The following IRAG1 variants were observed in gnomAD, a reference collection of about 807,000 sequenced individuals.
The protein encoded by IRAG1 is IP3R-associated cGMP kinase substrate.
A neutral mutation model predicts 106.2 loss-of-function variants in IRAG1; 62 were observed. The observed-to-expected ratio is 0.58, with a 90% CI of 0.48 to 0.72. The LOEUF (loss-of-function observed/expected upper bound fraction) is 0.72. Ranked by LOEUF, IRAG1 falls within the 30% of genes least tolerant of loss-of-function variation. The pLI is 0.00. For missense variants in IRAG1, 1,064 were observed against 1,140.7 expected (o/e 0.93, Z 0.97); for synonymous variants, 462 against 443.9 (o/e 1.04, Z -0.51).
chr11:10,640,758 A>C (rs1390967234), intron 2 of IRAG1, among the ~76,000 whole-genome samples: 3 of 152,174 alleles, frequency 2.0e-5, no homozygotes, highest in Non-Finnish European at 4.4e-5. Context: ...TTGGCCAGAC[A>C]ACCTACTGGC....
intron 13 of IRAG1, 71 bp downstream of exon 13, chr11:10,604,334 C>T: frequency 3.2e-6 from 5 of 1,584,516 alleles, no homozygotes; most frequent in Non-Finnish European, 4.3e-6. Flanking sequence ...CTGAGAGAAG[C>T]ATGACACCCT....
intron 10 of IRAG1, among the ~76,000 whole-genome samples, chr11:10,616,030 G>C (rs1363088767): frequency 6.6e-6 from 1 of 151,334 alleles, no homozygotes; most frequent in Non-Finnish European, 1.5e-5. Flanking sequence ...TTTTGGCTGG[G>C]CGCGGTGGCT....
At chr11:10,651,400 G>A (rs1189592843) in intron 2 of IRAG1, among the ~76,000 whole-genome samples, 1 of 152,116 alleles carries the variant, frequency 6.6e-6, no homozygotes, top group Non-Finnish European at 1.5e-5. Flanking sequence ...CACTTTGCTG[G>A]TATAATAAAT....
At position 10,657,345 on chromosome 11, in the gene IRAG1, A is replaced by G. The variant is rs569085675; in HGVS notation, c.68-5163T>C. Among the ~76,000 whole-genome samples the G allele has an allele frequency of 6.6e-6, 1 of 152,258 alleles. No homozygotes were observed. The highest frequency in any genetic ancestry group is 6.5e-5 in the Admixed American group (1 of 15,294). On this transcript the variant is annotated intron_variant, in intron 1 of 20. Coordinates refer to ENST00000423302, the MANE Select transcript of IRAG1 (RefSeq NM_130385.4). The surrounding 1 kb of genome is among the most constrained non-coding windows in gnomAD (Gnocchi z 4.1). ...TGGGTCTGATGCTCCCCTTCCTTGC[A>G]GGGCCAAGCCTGTTCTCGGCAGGCA...
At chr11:10,691,781 C>T (rs915481986) in intron 1 of IRAG1, among the ~76,000 whole-genome samples, 1 of 152,120 alleles carries the variant, frequency 6.6e-6, no homozygotes, top group Non-Finnish European at 1.5e-5. Context: ...GTGATTCCCC[C>T]GCTGCACTCT....
At position 10,687,682 on chromosome 11, in the gene IRAG1, A is replaced by G. The variant is rs1383626463; in HGVS notation, c.67+5854T>C. 3.9e-6 allele frequency: 5 copies of G among 1,286,154 alleles called. No homozygotes were observed. In the African/African-American group the frequency reaches 6.1e-5, roughly 16 times the overall value. The allele number at this position is 1,286,154 out of a possible 1,614,324, so 79.7% of individuals were successfully genotyped here. The stretch of plus-strand genomic sequence containing the variant: ...CAATCCTCTTGAGAGGAAGTCCACC[A>G]CTCTCCTTGCGGTGTTTTTGGAGTT... On this transcript the variant is annotated intron_variant, in intron 1 of 20. Transcript: ENST00000423302.
Position 10,657,019 on chromosome 11 carries a change from A to C in IRAG1, c.68-4837T>G, listed in dbSNP as rs1329981655. On this transcript the variant is annotated intron_variant, in intron 1 of 20. Coordinates refer to ENST00000423302, the MANE Select transcript of IRAG1 (RefSeq NM_130385.4). This position sits in a 1 kb window ranked among gnomAD's most constrained non-coding sequence, Gnocchi z 4.1. ...AAGAGTGGCCTACAGTTGAGCCTGC[A>C]TGTCCTCTGGTAGGTGGTAGCAGCA... is the stretch of plus-strand genomic sequence containing the variant. Among the ~76,000 whole-genome samples the C allele has an allele frequency of 6.6e-6, 1 of 152,104 alleles. No individual in the cohort carries two copies. Among genetic ancestry groups the C allele is most frequent in the Non-Finnish European group, 1.5e-5 (1 of 68,004 alleles).
intron 1 of IRAG1, chr11:10,687,718 C>A: frequency 7.8e-7 from 1 of 1,289,012 alleles, no homozygotes; most frequent in Non-Finnish European, 1.0e-6. Flanking sequence ...GAGAATAGGA[C>A]CCAGGACTGT....
Position 10,693,642 on chromosome 11 carries a change from G to C in IRAG1, c.-40C>G. ...ACATCTGGCTCCGGAGCTCAGAGCC[G>C]AGAAGCCTCTGGCTGCAGAACCTCG... is the stretch of plus-strand genomic sequence containing the variant. On this transcript the variant is annotated 5_prime_UTR_variant, in exon 1 of 21. Coordinates refer to ENST00000423302, the MANE Select transcript of IRAG1 (RefSeq NM_130385.4). 6.5e-7 allele frequency: 1 copy of C among 1,533,130 alleles called. No homozygotes were observed. Among genetic ancestry groups the C allele is most frequent in the Non-Finnish European group, 8.7e-7 (1 of 1,146,092 alleles). 95.0% of individuals were successfully genotyped at this position (1,533,130 alleles called of 1,614,324 possible). A position where few individuals can be genotyped will look rare whatever the true frequency, so the allele number is the denominator to read the frequency against.
At chr11:10,681,511 C>A (rs1861258911) in intron 1 of IRAG1, among the ~76,000 whole-genome samples, 1 of 152,206 alleles carries the variant, frequency 6.6e-6, no homozygotes, top group Non-Finnish European at 1.5e-5. Flanking sequence ...AGTCCTCCTC[C>A]TTGTCACTGA....
intron 1 of IRAG1, among the ~76,000 whole-genome samples, chr11:10,670,431 C>G (rs1230195835): frequency 6.6e-6 from 1 of 152,208 alleles, no homozygotes; most frequent in Non-Finnish European, 1.5e-5. Context: ...GATCCTTTAG[C>G]TTAGTGAAAA....
At chr11:10,635,862 G>A (rs1267521274) in intron 2 of IRAG1, among the ~76,000 whole-genome samples, 1 of 151,692 alleles carries the variant, frequency 6.6e-6, no homozygotes, top group African/African-American at 2.4e-5. Flanking sequence ...CCCAGAGCCA[G>A]ATCCTTGAGG....
chr11:10,630,730 G>C (rs1003993612), intron 4 of IRAG1, among the ~76,000 whole-genome samples: 1 of 152,116 alleles, frequency 6.6e-6, no homozygotes, highest in Non-Finnish European at 1.5e-5. Flanking sequence ...CTCCTCCCAA[G>C]TCCCTCCACT....
intron 1 of IRAG1, among the ~76,000 whole-genome samples, chr11:10,666,062 G>A (rs1269387994): frequency 6.6e-6 from 1 of 152,184 alleles, no homozygotes; most frequent in Non-Finnish European, 1.5e-5. Context: ...GCTTAAATGG[G>A]CATGTGCAAC....
At chr11:10,621,871 G>T (rs540612722) in intron 10 of IRAG1, among the ~76,000 whole-genome samples, 2 of 152,312 alleles carry the variant, frequency 1.3e-5, no homozygotes, top group Non-Finnish European at 2.9e-5. Flanking sequence ...GATACTGTAT[G>T]ATTCCATTTC....
intron 1 of IRAG1, among the ~76,000 whole-genome samples, chr11:10,655,644 C>T (rs1858861537): frequency 6.6e-6 from 1 of 152,122 alleles, no homozygotes; most frequent in African/African-American, 2.4e-5. Flanking sequence ...CCCTGGGAGT[C>T]CCTGAAATCC....
intron 1 of IRAG1, among the ~76,000 whole-genome samples, chr11:10,666,158 G>T (rs949970344): frequency 6.6e-6 from 1 of 152,200 alleles, no homozygotes; most frequent in African/African-American, 2.4e-5. Context: ...GAGAGGTGGG[G>T]ATGGTCTGGG....
chr11:10,646,975 G>C (rs11042909), intron 2 of IRAG1, among the ~76,000 whole-genome samples: 5 of 152,068 alleles, frequency 3.3e-5, no homozygotes, highest in African/African-American at 1.2e-4. Context: ...TGAGGAAGGG[G>C]CATAGACAGG....
chr11:10,577,061 T>A (rs1409326394), intron 20 of IRAG1, among the ~76,000 whole-genome samples: 3 of 152,188 alleles, frequency 2.0e-5, no homozygotes, highest in African/African-American at 7.2e-5. Flanking sequence ...CAGTTCCACA[T>A]CTAACTGTGT....
Sources: gnomAD v4.1 joint callset for allele counts (sites outside exome capture counted in the v4.1 genomes callset) on GRCh38, gnomAD v4.1.1 for gene constraint, Gnocchi (gnomAD v3.1) non-coding constraint, MANE v1.5 for transcripts, NCBI Gene and HGNC (gene_info 2026-07-23, HGNC 2026-07-21) for gene names.